The following CCDC18 variants were observed in gnomAD, a reference collection of about 807,000 sequenced individuals.
The protein encoded by CCDC18 is coiled-coil domain containing 18.
CCDC18 carries 157 observed loss-of-function variants against 196.0 expected under a neutral mutation model. The ratio of observed to expected loss-of-function variants is 0.80; its 90% confidence interval spans 0.70 to 0.91. The LOEUF (loss-of-function observed/expected upper bound fraction) is 0.91. Among genes scored for constraint, CCDC18 ranks in the 40% least tolerant of loss-of-function variants. The probability of loss-of-function intolerance (pLI) is 0.00; values close to 1 mark genes in which losing one functional copy is unlikely to be tolerated. For synonymous variants in CCDC18, 482 were observed against 529.2 expected (o/e 0.91, Z 1.22); for missense variants, 1,465 against 1,611.6 (o/e 0.91, Z 1.56).
At chr1:93,235,483 G>A (rs1659952475) in intron 18 of CCDC18, among the ~76,000 whole-genome samples, 1 of 152,184 alleles carries the variant, frequency 6.6e-6, no homozygotes, top group Non-Finnish European at 1.5e-5. Context: ...CCCTGTTTCT[G>A]TGGAATGGCC....
chr1:93,277,039 C>T (rs866295837), intron 28 of CCDC18, among the ~76,000 whole-genome samples: 99 of 115,554 alleles, frequency 8.6e-4, no homozygotes, highest in African/African-American at 3.1e-3. Context: ...CAGACAAACA[C>T]GTGAACAAAG....
chr1:93,253,148 T>C (rs1662488541), intron 23 of CCDC18, among the ~76,000 whole-genome samples: 1 of 152,182 alleles, frequency 6.6e-6, no homozygotes, highest in African/African-American at 2.4e-5. Flanking sequence ...GGGGCACACA[T>C]AGCCCAGCAA....
intron 24 of CCDC18, among the ~76,000 whole-genome samples, chr1:93,255,779 G>T (rs568978726): frequency 1.3e-5 from 2 of 148,312 alleles, no homozygotes; most frequent in East Asian, 2.1e-4. Flanking sequence ...GGAAGAGGAA[G>T]AAGAGGAAGA....
chr1:93,260,386 A>G lies in CCDC18; in HGVS notation c.3684+1501A>G, dbSNP rs191811111. ...GTGACAAGAGTGAAACTCCGTCTCA[A>G]AAAAAATAAGTACATGCTGCTGCAT... On this transcript the variant is annotated intron_variant, in intron 26 of 28. Transcript: ENST00000690025. Among the ~76,000 whole-genome samples, 20 of 152,266 alleles carry G rather than the reference A, an allele frequency of 1.3e-4. No individual in the cohort carries two copies. In the East Asian group the frequency reaches 3.9e-3, roughly 29 times the overall value.
chr1:93,258,494 T>C (rs1229273237), intron 25 of CCDC18, among the ~76,000 whole-genome samples: 2 of 152,202 alleles, frequency 1.3e-5, no homozygotes, highest in African/African-American at 4.8e-5. Context: ...TTATTATTAA[T>C]AGTTCATTTT....
At chr1:93,180,393 G>A, upstream of CCDC18, 1 of 1,240,648 alleles carries the variant, frequency 8.1e-7, no homozygotes. Flanking sequence ...CACTCCCTCC[G>A]AAAGAGAAGC....
At chr1:93,272,127 C>A (rs1340058730) in intron 28 of CCDC18, among the ~76,000 whole-genome samples, 1 of 152,122 alleles carries the variant, frequency 6.6e-6, no homozygotes, top group African/African-American at 2.4e-5. Flanking sequence ...GGAATAGATC[C>A]AAGACAAAGA....
chr1:93,202,356 T>C (rs1328050319), intron 7 of CCDC18, among the ~76,000 whole-genome samples: 1 of 152,226 alleles, frequency 6.6e-6, no homozygotes, highest in East Asian at 1.9e-4. Flanking sequence ...TCCCTCAGTC[T>C]GCTACTCTGA....
At chr1:93,232,681 T>C (rs1659429502) in intron 18 of CCDC18, 88 bp downstream of exon 18, 3 of 1,067,580 alleles carry the variant, frequency 2.8e-6, no homozygotes, top group Non-Finnish European at 4.0e-6. Context: ...TTTTTTAAAT[T>C]GCTGTTTGGC....
rs374387834 is a variant in CCDC18, at chr1:93,218,426, A to G, written c.1962+557A>G. On this transcript the variant is annotated intron_variant, in intron 14 of 28. Coordinates refer to ENST00000690025, the MANE Select transcript of CCDC18 (RefSeq NM_001378204.1). The stretch of plus-strand genomic sequence containing the variant: ...GCAAGAATTCTAATAAAATCGACCA[A>G]TTGTAACAAAATACTGTCATAAAAG... Among the ~76,000 whole-genome samples, 64 of 152,296 alleles carry G rather than the reference A, an allele frequency of 4.2e-4. 1 individual carries two copies. Among genetic ancestry groups the G allele is most frequent in the African/African-American group, 1.3e-3 (55 of 41,556 alleles).
At chr1:93,205,994 C>T (rs181941378) in intron 8 of CCDC18, among the ~76,000 whole-genome samples, 48 of 152,160 alleles carry the variant, frequency 3.2e-4, no homozygotes, top group Admixed American at 7.2e-4. Flanking sequence ...ATTACCTAGT[C>T]CAGACTTCTC....
At chr1:93,185,885 A>G (rs1006072975) in intron 3 of CCDC18, among the ~76,000 whole-genome samples, 6 of 151,850 alleles carry the variant, frequency 4.0e-5, no homozygotes, top group Admixed American at 6.6e-5. Context: ...TATATATAAA[A>G]AGAATATAAT....
intron 25 of CCDC18, among the ~76,000 whole-genome samples, chr1:93,257,231 C>CAAAAAAAAAAAAAAAAAAAAAAAAAAAA (rs71586787): frequency 2.1e-5 from 1 of 46,520 alleles, no homozygotes; most frequent in African/African-American, 8.4e-5. Flanking sequence ...GACTCCATCT[C>CAAAAAAAAAAAAAAAAAAAAAAAAAAAA]AAAAAAAAAA....
chr1:93,260,623 C>CT (rs957633424), intron 26 of CCDC18, among the ~76,000 whole-genome samples: 15 of 146,660 alleles, frequency 1.0e-4, no homozygotes, highest in Admixed American at 1.4e-4. Context: ...ATTATACTTT[C>CT]TTTTTTTTTT....
chr1:93,190,349 G>A (rs868765109), intron 4 of CCDC18, among the ~76,000 whole-genome samples: 2 of 152,098 alleles, frequency 1.3e-5, no homozygotes, highest in East Asian at 1.9e-4. Flanking sequence ...TTAGCTGGGC[G>A]TGGTGATGTG....
chr1:93,265,480 T>C (rs72959240), intron 27 of CCDC18, among the ~76,000 whole-genome samples: 13,577 of 152,226 alleles, frequency 0.089, 1,990 homozygotes, highest in African/African-American at 0.31. Flanking sequence ...AAATCCTACT[T>C]ATATGAGATA....
At chr1:93,196,491 A>T (rs1325640707) in intron 6 of CCDC18, among the ~76,000 whole-genome samples, 1 of 152,186 alleles carries the variant, frequency 6.6e-6, no homozygotes, top group East Asian at 1.9e-4. Flanking sequence ...AGATATAAAG[A>T]CTCTAAACCA....
intron 28 of CCDC18, among the ~76,000 whole-genome samples, chr1:93,274,483 A>G (rs918267195): frequency 1.2e-4 from 18 of 152,142 alleles, no homozygotes; most frequent in African/African-American, 4.1e-4. Context: ...TTTTTGCAAT[A>G]TATATTTGAA....
Position 93,210,802 on chromosome 1 carries a change from T to C in CCDC18, c.1210T>C (p.Leu404=), listed in dbSNP as rs1186159795. 6.3e-7 allele frequency: 1 copy of C among 1,591,220 alleles called. No homozygotes were observed. The highest frequency in any genetic ancestry group is 1.7e-5 in the Admixed American group (1 of 59,636). The change falls in exon 10 of 29, where the codon TTA becomes CTA. Residue 404 remains leucine, a splice_region_variant and synonymous_variant. Coordinates refer to ENST00000690025, the MANE Select transcript of CCDC18 (RefSeq NM_001378204.1). ...CATATGTTTGTTTTTAAACTTGCAG[T>C]TAAAAAGAGAATTATTTGGCTTTAA... ...SLEKIISQLP[L]KRELFGFKSY... is the part of the protein sequence containing the mutation.
Sources: allele counts gnomAD v4.1 joint callset (sites outside exome capture counted in the v4.1 genomes callset), GRCh38; gene constraint gnomAD v4.1.1; transcripts MANE v1.5; gene names NCBI Gene and HGNC (gene_info 2026-07-23, HGNC 2026-07-21).